FOXP2: variants seen among roughly 807,000 people sequenced by gnomAD.
FOXP2 encodes forkhead box protein P2.
In FOXP2, 12 loss-of-function variants were observed where a neutral mutation model predicts 115.8. The ratio of observed to expected loss-of-function variants is 0.10; its 90% CI spans 0.07 to 0.17. The LOEUF is 0.17. Ranked by LOEUF, FOXP2 falls within the 10% of genes least tolerant of loss-of-function variation. The pLI is 1.00. For missense variants in FOXP2, 629 were observed against 843.5 expected, an observed-to-expected ratio of 0.75 and a Z score of 3.15; for synonymous variants, 328 against 297.7, an observed-to-expected ratio of 1.10 and a Z score of -1.05.
intron 3 of FOXP2, among the ~76,000 whole-genome samples, chr7:114,573,318 A>T (rs1801412817): frequency 6.6e-6 from 1 of 151,802 alleles, no homozygotes; most frequent in South Asian, 2.1e-4. Context: ...TCAATATACT[A>T]ACCAGAAAAA....
chr7:114,667,055 T>C (rs1394483540), intron 16 of FOXP2: 1 of 152,132 alleles, frequency 6.6e-6, no homozygotes, highest in African/African-American at 2.4e-5. Context: ...AAGTTTGTGG[T>C]TAGTCATTGA....
intron 16 of FOXP2, chr7:114,669,107 G>A (rs1211707035): frequency 1.3e-5 from 2 of 151,942 alleles, no homozygotes; most frequent in Non-Finnish European, 2.9e-5. Flanking sequence ...ATTTACGTGA[G>A]TAAAAAGTGG....
intron 1 of FOXP2, among the ~76,000 whole-genome samples, chr7:114,421,890 A>T (rs530154024): frequency 6.6e-6 from 1 of 151,892 alleles, no homozygotes; most frequent in Admixed American, 6.6e-5. Context: ...CACAAGAGTT[A>T]TCATTATTTA....
At chr7:114,275,352 A>T (rs1004079992) in intron 1 of FOXP2, among the ~76,000 whole-genome samples, 3 of 151,836 alleles carry the variant, frequency 2.0e-5, no homozygotes, top group African/African-American at 7.3e-5. Flanking sequence ...GTTTTCTTTA[A>T]TCTTTATTCT....
intron 1 of FOXP2, among the ~76,000 whole-genome samples, chr7:114,096,486 C>T (rs1009265661): frequency 3.3e-5 from 5 of 152,074 alleles, no homozygotes; most frequent in East Asian, 1.9e-4. Flanking sequence ...CCTAATCGTA[C>T]GTGTCCGATG....
chr7:114,426,377 T>C (rs1054305375), intron 1 of FOXP2, 125 bp from the exon 2 acceptor site: 15 of 840,140 alleles, frequency 1.8e-5, no homozygotes, highest in African/African-American at 1.5e-4. Context: ...TAAATGACTA[T>C]TCAAGGCTTT....
chr7:114,588,717 T>A (rs1432632229), intron 3 of FOXP2, among the ~76,000 whole-genome samples: 1 of 152,012 alleles, frequency 6.6e-6, no homozygotes, highest in African/African-American at 2.4e-5. Context: ...CTGAAAGGAG[T>A]CCTGCAGATG....
In FOXP2 at chr7:114,383,913, T is replaced by C. The variant is rs556757227; in HGVS notation, c.-10-42589T>C. Reference sequence around the variant, plus strand: ...CAGGGTGCGTAACCACCCATGGACCTCTGCTTATCAGATTAGTGATGCTCA... The same window carrying C: ...CAGGGTGCGTAACCACCCATGGACCCCTGCTTATCAGATTAGTGATGCTCA... On this transcript the variant is annotated intron_variant, in intron 2 of 17. Coordinates refer to the FOXP2 transcript ENST00000634411. 1.0e-3 allele frequency among the ~76,000 whole-genome samples: 156 copies of C among 152,332 alleles called. 1 individual carries two copies. Among genetic ancestry groups the C allele is most frequent in the African/African-American group, 3.6e-3 (148 of 41,584 alleles).
chr7:114,244,249 T>G (rs2129168143), intron 1 of FOXP2, among the ~76,000 whole-genome samples: 1 of 152,344 alleles, frequency 6.6e-6, no homozygotes, highest in South Asian at 2.1e-4. Context: ...ATGGTATATT[T>G]GTCACAATAA....
intron 3 of FOXP2, among the ~76,000 whole-genome samples, chr7:114,606,909 G>C (rs1357295860): frequency 6.6e-6 from 1 of 152,076 alleles, no homozygotes; most frequent in South Asian, 2.1e-4. Flanking sequence ...TTTTTGTACT[G>C]TTGCCCCATT....
chr7:114,271,617 ATAAT>A (rs1796047682), intron 1 of FOXP2, among the ~76,000 whole-genome samples: 1 of 123,250 alleles, frequency 8.1e-6, no homozygotes, highest in Non-Finnish European at 1.6e-5. Context: ...TATATAATAA[ATAAT>A]TATATTATTA....
At chr7:114,555,642 C>G (rs1800417917) in intron 3 of FOXP2, among the ~76,000 whole-genome samples, 2 of 151,884 alleles carry the variant, frequency 1.3e-5, no homozygotes, top group South Asian at 2.1e-4. Context: ...ACTAAAAATA[C>G]AAAAATTAGC....
At chr7:114,094,521 AT>A in intron 1 of FOXP2, among the ~76,000 whole-genome samples, 1 of 151,838 alleles carries the variant, frequency 6.6e-6, no homozygotes, top group South Asian at 2.1e-4. Context: ...TCTTCCTTTC[AT>A]TTTTCTCTTT....
intron 1 of FOXP2, among the ~76,000 whole-genome samples, chr7:114,116,091 TAGAC>T (rs1385258893): frequency 6.6e-6 from 1 of 152,170 alleles, no homozygotes; most frequent in East Asian, 1.9e-4. Context: ...AATTTTAAAA[TAGAC>T]AGAGTAGCTC....
chr7:114,559,205 A>T (rs991006371), intron 3 of FOXP2, among the ~76,000 whole-genome samples: 18 of 152,128 alleles, frequency 1.2e-4, no homozygotes, highest in African/African-American at 4.3e-4. Context: ...CAGGAGCACT[A>T]TGCACATCTT....
At chr7:114,282,149 A>C (rs1584605368) in intron 1 of FOXP2, among the ~76,000 whole-genome samples, 1 of 152,328 alleles carries the variant, frequency 6.6e-6, no homozygotes, top group Non-Finnish European at 1.5e-5. Context: ...TCATGGAATA[A>C]ATCTGTTGTA....
chr7:114,492,002 A>G lies in FOXP2; in HGVS notation c.169-42615A>G, dbSNP rs59140014. On this transcript the variant is annotated intron_variant, in intron 2 of 16. Coordinates refer to ENST00000350908, the MANE Select transcript of FOXP2 (RefSeq NM_014491.4). ...CAAGGAATGGTACCAGCTCCTCCTT[A>G]TACCTCTGGTAGAATTCGGCTGTGA... Among the ~76,000 whole-genome samples, 1,000 of 152,130 alleles carry G rather than the reference A, an allele frequency of 6.6e-3. 8 individuals are homozygous for G. Among genetic ancestry groups the G allele is most frequent in the African/African-American group, 0.023 (937 of 41,508 alleles).
intron 2 of FOXP2, among the ~76,000 whole-genome samples, chr7:114,458,347 C>T (rs565776094): frequency 6.6e-6 from 1 of 151,776 alleles, no homozygotes; most frequent in Non-Finnish European, 1.5e-5. Flanking sequence ...TGTGTATTCC[C>T]ATGGGAGTAA....
rs775524542 is a variant in FOXP2, at chr7:114,690,162, A to G, written c.*236A>G. 4.4e-4 allele frequency: 235 copies of G among 531,816 alleles called. No individual in the cohort carries two copies. The highest frequency in any genetic ancestry group is 5.5e-4 in the Middle Eastern group (1 of 1,832). The allele number at this position is 531,816 out of a possible 1,614,324, so 32.9% of individuals were successfully genotyped here. ...TTTTTTTTTTAGAAAAAAAGACAAA[A>G]ACTGATTTTCTTGAAAAAAAAAAAT... is the stretch of plus-strand genomic sequence containing the variant. On this transcript the variant is annotated 3_prime_UTR_variant, in exon 17 of 17. Transcript: ENST00000350908.
Sources: gnomAD v4.1 joint callset for allele counts (sites outside exome capture counted in the v4.1 genomes callset) on GRCh38, gnomAD v4.1.1 for gene constraint, MANE v1.5 for transcripts, NCBI Gene and HGNC (gene_info 2026-07-23, HGNC 2026-07-21) for gene names.